Variants in DAB1 observed in about 807,000 individuals in gnomAD.
The protein encoded by DAB1 is disabled homolog 1.
DAB1 carries 15 observed loss-of-function variants against 64.6 expected under a neutral mutation model. The ratio of observed to expected loss-of-function variants is 0.23; its 90% CI spans 0.16 to 0.36. The LOEUF is 0.36. Ranked by LOEUF, DAB1 falls within the 10% of genes least tolerant of loss-of-function variation. The probability of loss-of-function intolerance (pLI) is 1.00; values close to 1 mark genes in which losing one functional copy is unlikely to be tolerated. For missense variants in DAB1, 596 were observed against 706.7 expected, an observed-to-expected ratio of 0.84 and a Z score of 1.78; for synonymous variants, 235 against 251.9, an observed-to-expected ratio of 0.93 and a Z score of 0.64.
At chr1:58,107,944 A>G (rs942719768) in intron 5 of DAB1, among the ~76,000 whole-genome samples, 16 of 152,164 alleles carry the variant, frequency 1.1e-4, no homozygotes, top group Non-Finnish European at 2.4e-4. Context: ...ACACAGGGAA[A>G]AAAATGGGCA....
chr1:57,871,413 A>G (rs1346528540), intron 1 of DAB1, among the ~76,000 whole-genome samples: 1 of 152,194 alleles, frequency 6.6e-6, no homozygotes, highest in Non-Finnish European at 1.5e-5. Flanking sequence ...AAATGGGAAA[A>G]TTGAAGCCCA....
intron 7 of DAB1, among the ~76,000 whole-genome samples, chr1:57,613,508 C>T (rs916950725): frequency 7.2e-5 from 11 of 152,052 alleles, no homozygotes; most frequent in African/African-American, 2.7e-4. Flanking sequence ...TAGCTAGGGC[C>T]GATTAAGTAA....
At chr1:57,073,476 C>G (rs536619689) in intron 4 of DAB1, among the ~76,000 whole-genome samples, 2 of 152,150 alleles carry the variant, frequency 1.3e-5, no homozygotes, top group African/African-American at 2.4e-5. Flanking sequence ...GTGATCTTAA[C>G]GGTTATTTTC....
At chr1:58,532,726 A>C (rs1296429331) in intron 1 of DAB1, among the ~76,000 whole-genome samples, 1 of 151,972 alleles carries the variant, frequency 6.6e-6, no homozygotes, top group Non-Finnish European at 1.5e-5. Context: ...GACTGAGTCT[A>C]TGTTGCCGAG....
At chr1:57,942,976 A>C (rs527916157) in intron 5 of DAB1, among the ~76,000 whole-genome samples, 1 of 152,362 alleles carries the variant, frequency 6.6e-6, no homozygotes, top group Admixed American at 6.5e-5. Flanking sequence ...AACACCATGC[A>C]TGGCACTTTA....
intron 3 of DAB1, among the ~76,000 whole-genome samples, chr1:58,492,005 A>T (rs1645702701): frequency 6.6e-6 from 1 of 152,236 alleles, no homozygotes; most frequent in Non-Finnish European, 1.5e-5. Flanking sequence ...AATTGACCAC[A>T]TAGTTGGAAG....
intron 7 of DAB1, among the ~76,000 whole-genome samples, chr1:57,550,645 T>G (rs796598832): frequency 5.9e-5 from 9 of 152,250 alleles, no homozygotes; most frequent in African/African-American, 1.9e-4. Context: ...CCATATATCT[T>G]CTTTTTTGGT....
At chr1:57,235,984 A>C (rs1057009697) in intron 2 of DAB1, among the ~76,000 whole-genome samples, 1 of 152,206 alleles carries the variant, frequency 6.6e-6, no homozygotes, top group African/African-American at 2.4e-5. Context: ...CGTTATTCCT[A>C]AAATGATTAA....
chr1:57,337,648 A>G (rs1445152062), intron 1 of DAB1, among the ~76,000 whole-genome samples: 1 of 152,158 alleles, frequency 6.6e-6, no homozygotes, highest in Non-Finnish European at 1.5e-5. Context: ...TGGTTGGTTT[A>G]CTGCTGTATC....
chr1:58,015,432 C>G (rs552917043), intron 5 of DAB1, among the ~76,000 whole-genome samples: 3 of 152,240 alleles, frequency 2.0e-5, no homozygotes, highest in Non-Finnish European at 4.4e-5. Flanking sequence ...TCTGGCTTTT[C>G]TCCGTGGCCA....
chr1:58,375,276 C>T (rs1470902531), intron 3 of DAB1, among the ~76,000 whole-genome samples: 11 of 145,810 alleles, frequency 7.5e-5, no homozygotes, highest in Non-Finnish European at 1.2e-4. Context: ...AAAGGGAATG[C>T]TTCCAGTTTT....
At chr1:58,251,288 A>G (rs1402072310) in intron 4 of DAB1, among the ~76,000 whole-genome samples, 5 of 152,214 alleles carry the variant, frequency 3.3e-5, no homozygotes, top group Non-Finnish European at 7.3e-5. Context: ...TACTTTATGG[A>G]GAGGAGCAGA....
intron 7 of DAB1, among the ~76,000 whole-genome samples, chr1:57,619,913 C>A (rs775641286): frequency 4.6e-5 from 7 of 152,080 alleles, no homozygotes; most frequent in Non-Finnish European, 1.0e-4. Context: ...GCATGAATAC[C>A]ACCTGAGACG....
At chr1:57,638,665 G>A (rs555870543) in intron 7 of DAB1, among the ~76,000 whole-genome samples, 70 of 152,272 alleles carry the variant, frequency 4.6e-4, no homozygotes, top group African/African-American at 1.4e-3. Flanking sequence ...TCCCCCTAAT[G>A]AGCTGGACTT....
intron 7 of DAB1, among the ~76,000 whole-genome samples, chr1:57,583,290 CTTTT>C (rs34464140): frequency 1.5e-5 from 2 of 136,362 alleles, no homozygotes; most frequent in African/African-American, 2.7e-5. Flanking sequence ...TTTTTCTTTT[CTTTT>C]TTTTTTTTTT....
chr1:58,222,317 C>T (rs1299330825), intron 4 of DAB1, among the ~76,000 whole-genome samples: 2 of 152,080 alleles, frequency 1.3e-5, no homozygotes, highest in Non-Finnish European at 2.9e-5. Flanking sequence ...ACATGACTCT[C>T]TCCTCCCATC....
chr1:57,808,949 T>C (rs1651493439), intron 6 of DAB1, among the ~76,000 whole-genome samples: 1 of 152,158 alleles, frequency 6.6e-6, no homozygotes, highest in African/African-American at 2.4e-5. Flanking sequence ...CCAGTGAACA[T>C]AATGGAACAT....
rs557555264 is a variant in DAB1 at position 57,329,901 on chromosome 1, A to G, written c.-136-38735T>C. 3.3e-5 allele frequency among the ~76,000 whole-genome samples: 5 copies of G among 152,364 alleles called. No homozygotes were observed. In the East Asian group the frequency reaches 7.7e-4, roughly 24 times the overall value. ...GTTGTATTAAGCTAAAGTATAACAT[A>G]TGATATTCATTAACCCATCAAGAAA... On this transcript the variant is annotated intron_variant, in intron 1 of 14. Transcript: ENST00000371236.
intron 4 of DAB1, among the ~76,000 whole-genome samples, chr1:58,205,818 A>G (rs1658243099): frequency 6.6e-6 from 1 of 152,196 alleles, no homozygotes; most frequent in Non-Finnish European, 1.5e-5. Flanking sequence ...CCTACCCTCA[A>G]GGCCCTGGAA....
Sources: allele counts gnomAD v4.1 joint callset (sites outside exome capture counted in the v4.1 genomes callset), GRCh38; gene constraint gnomAD v4.1.1; transcripts MANE v1.5; gene names NCBI Gene and HGNC (gene_info 2026-07-23, HGNC 2026-07-21).